The following ATP12A variants were observed in gnomAD, a reference collection of about 807,000 sequenced individuals.
ATP12A encodes the protein potassium-transporting ATPase alpha chain 2.
In ATP12A, 81 loss-of-function variants were observed where a neutral mutation model predicts 111.2. The ratio of observed to expected loss-of-function variants is 0.73; its 90% confidence interval spans 0.61 to 0.88. The LOEUF (loss-of-function observed/expected upper bound fraction) is 0.88, where lower values mean the gene tolerates loss of function less well. Ranked by LOEUF, ATP12A falls within the 40% of genes least tolerant of loss-of-function variation. The probability of loss-of-function intolerance (pLI) is 0.00; values close to 1 mark genes in which losing one functional copy is unlikely to be tolerated. For missense variants in ATP12A, 1,196 were observed against 1,313.1 expected, an observed-to-expected ratio of 0.91 and a Z score of 1.38; for synonymous variants, 498 against 499.8, an observed-to-expected ratio of 1.00 and a Z score of 0.05.
At chr13:24,683,727 T>C (rs890600639) in intron 2 of ATP12A, among the ~76,000 whole-genome samples, 25 of 152,202 alleles carry the variant, frequency 1.6e-4, no homozygotes, top group Non-Finnish European at 3.5e-4. Context: ...TTCTACCTCT[T>C]AAGGGTTACT....
At chr13:24,708,868 AAG>A (rs1164435799) in intron 17 of ATP12A, among the ~76,000 whole-genome samples, 4 of 128,138 alleles carry the variant, frequency 3.1e-5, no homozygotes, top group African/African-American at 1.1e-4. Flanking sequence ...GAAAGAGAGA[AAG>A]AGAAAGAGAG....
At chr13:24,695,689 C>T (rs556540674) in intron 11 of ATP12A, among the ~76,000 whole-genome samples, 2 of 148,538 alleles carry the variant, frequency 1.3e-5, no homozygotes, top group African/African-American at 2.5e-5. Context: ...CTCACTGCAA[C>T]CTCCGCCTCC....
At chr13:24,681,764 C>T (rs1874443770) in intron 2 of ATP12A, 44 bp downstream of exon 2, 1 of 1,611,074 alleles carries the variant, frequency 6.2e-7, no homozygotes, top group Non-Finnish European at 8.5e-7. Context: ...TATGGCCCTT[C>T]CCCGCAAGAG....
intron 3 of ATP12A, among the ~76,000 whole-genome samples, chr13:24,686,101 C>A (rs1234750898): frequency 6.6e-6 from 1 of 152,128 alleles, no homozygotes; most frequent in Non-Finnish European, 1.5e-5. Context: ...AAGAATGGAA[C>A]AACAGCCCAG....
chr13:24,687,681 C>G (rs1210360420), intron 3 of ATP12A, among the ~76,000 whole-genome samples: 7 of 152,154 alleles, frequency 4.6e-5, no homozygotes, highest in African/African-American at 1.7e-4. Flanking sequence ...TTATGCCTGT[C>G]AAGATGAATG....
In ATP12A at chr13:24,696,727, A is replaced by AAAAG. The variant is rs1288921907; in HGVS notation, c.1513-1928_1513-1927insGAAA. ...GAGCGAGACTCCGTCTCAAAAAAAA[A>AAAAG]AAAAAAAAAAAAAAAAAAAGAAAGG... On this transcript the variant is annotated intron_variant, in intron 11 of 22. Coordinates refer to ENST00000381946, the MANE Select transcript of ATP12A (RefSeq NM_001676.7). Among the ~76,000 whole-genome samples, 32 of 46,144 alleles carry AAAAG rather than the reference A, an allele frequency of 6.9e-4. 6 individuals are homozygous for AAAAG. Among genetic ancestry groups the AAAAG allele is most frequent in the South Asian group, 1.2e-3 (1 of 838 alleles). The allele number at this position is 46,144 out of a possible 152,430, so 30.3% of individuals were successfully genotyped here.
At position 24,712,021 on chromosome 13, in the gene ATP12A, G is replaced by C. The variant is rs1875996388; in HGVS notation, c.*499G>C. The C allele has an allele frequency of 5.6e-6, 1 of 179,030 alleles. No homozygotes were observed. The highest frequency in any genetic ancestry group is 1.2e-5 in the Non-Finnish European group (1 of 84,192). The allele number at this position is 179,030 out of a possible 1,614,324, so 11.1% of individuals were successfully genotyped here. A position where few individuals can be genotyped will look rare whatever the true frequency, so the allele number is the denominator to read the frequency against. ...CGAGGGTCTGCAGGAGATGGAAGTGGCGGCAGGTTTACATCACAGCAGCAC... is the reference window on the plus strand; with the variant it reads ...CGAGGGTCTGCAGGAGATGGAAGTGCCGGCAGGTTTACATCACAGCAGCAC... On this transcript the variant is annotated 3_prime_UTR_variant, in exon 23 of 23. Transcript: ENST00000381946.
At chr13:24,700,519 T>A (rs1166175306) in intron 12 of ATP12A, among the ~76,000 whole-genome samples, 1 of 152,228 alleles carries the variant, frequency 6.6e-6, no homozygotes, top group Non-Finnish European at 1.5e-5. Flanking sequence ...TATAGCAAGA[T>A]ATATTTCTAG....
Position 24,690,969 on chromosome 13 carries a change from A to G in ATP12A, c.800-13A>G. 1 of 1,613,492 alleles carries G rather than the reference A, an allele frequency of 6.2e-7. No homozygotes were observed. Among genetic ancestry groups the G allele is most frequent in the East Asian group, 2.2e-5 (1 of 44,854 alleles). ...TGAGGACCCCTGGAATAAAGCATCT[A>G]CTTCCCCTGTAGGCACTGTCACCGG... On this transcript the variant is annotated splice_polypyrimidine_tract_variant and intron_variant, in intron 7 of 22. Coordinates refer to ENST00000381946, the MANE Select transcript of ATP12A (RefSeq NM_001676.7).
chr13:24,685,012 T>C lies in ATP12A; in HGVS notation c.169-302T>C, dbSNP rs1440818027. On this transcript the variant is annotated intron_variant, in intron 2 of 22. Transcript: ENST00000381946. This position sits in a 1 kb window ranked among gnomAD's most constrained non-coding sequence, Gnocchi z 5.5. ...GAAGATGAGGGTGCCAGAACCTGTA[T>C]GCCCTGGAGTTCAGATTGAAGCGAG... 1.3e-5 allele frequency among the ~76,000 whole-genome samples: 2 copies of C among 152,178 alleles called. No homozygotes were observed. The highest frequency in any genetic ancestry group is 2.4e-5 in the African/African-American group (1 of 41,442).
Position 24,698,794 on chromosome 13 carries a change from C to A in ATP12A, c.1649C>A (p.Ala550Asp). ...GAGCACCCACTGGACAAGAGCACTG[C>A]CAAGACCTTCCACACAGCCTACATG... Reference protein sequence around the residue: ...GEEHPLDKSTAKTFHTAYMEL... With the variant: ...GEEHPLDKSTDKTFHTAYMEL... The change falls in exon 12 of 23, where the codon GCC becomes GAC. Residue 550 changes from alanine to aspartate, a missense_variant. By Grantham distance (126) the Ala-to-Asp change is moderately radical (BLOSUM62 -2). This residue lies in a region of ATP12A where 1,126 missense variants were observed against 1,228.5 expected (regional missense o/e 0.92). Coordinates refer to ENST00000381946, the MANE Select transcript of ATP12A (RefSeq NM_001676.7). The A allele has an allele frequency of 6.2e-7, 1 of 1,614,062 alleles. No individual in the cohort carries two copies. Among genetic ancestry groups the A allele is most frequent in the East Asian group, 2.2e-5 (1 of 44,854 alleles).
intron 5 of ATP12A, among the ~76,000 whole-genome samples, 170 bp from the exon 6 acceptor site, chr13:24,690,168 A>G (rs1874818219): frequency 6.6e-6 from 1 of 152,120 alleles, no homozygotes; most frequent in Non-Finnish European, 1.5e-5. Context: ...CTCCAGCAGC[A>G]ATGCTGTGTC....
chr13:24,711,946 T>A lies in ATP12A; in HGVS notation c.*424T>A. The A allele has an allele frequency of 4.7e-6, 1 of 212,632 alleles. No homozygotes were observed. The highest frequency in any genetic ancestry group is 9.5e-6 in the Non-Finnish European group (1 of 105,588). The allele number at this position is 212,632 out of a possible 1,614,324, so 13.2% of individuals were successfully genotyped here. A position where few individuals can be genotyped will look rare whatever the true frequency, so the allele number is the denominator to read the frequency against. ...CTCCCTAAGATTTCTGCAGATCCCC[T>A]GAGAAGGTATGTTTTCATGGTCTCC... On this transcript the variant is annotated 3_prime_UTR_variant, in exon 23 of 23. Coordinates refer to ENST00000381946, the MANE Select transcript of ATP12A (RefSeq NM_001676.7).
intron 17 of ATP12A, among the ~76,000 whole-genome samples, chr13:24,708,208 C>A (rs1281749207): frequency 6.6e-6 from 1 of 152,130 alleles, no homozygotes; most frequent in Non-Finnish European, 1.5e-5. Context: ...CTTTATAAAG[C>A]CTTGCCCTAC....
In ATP12A at chr13:24,712,361, G is replaced by A. The variant is rs749044729; in HGVS notation, c.*839G>A. ...TTGCCAGGTGCTCTCCAGCAATAAC[G>A]TTTTGTCAGTCATGTTTCATGTTTT... is the stretch of plus-strand genomic sequence containing the variant. On this transcript the variant is annotated 3_prime_UTR_variant, in exon 23 of 23. Transcript: ENST00000381946. 2.6e-5 allele frequency: 4 copies of A among 152,128 alleles called. No homozygotes were observed. Among genetic ancestry groups the A allele is most frequent in the Non-Finnish European group, 5.9e-5 (4 of 68,026 alleles). The allele number at this position is 152,128 out of a possible 1,614,324, so 9.4% of individuals were successfully genotyped here.
chr13:24,702,481 T>G (rs1875436875), intron 14 of ATP12A, among the ~76,000 whole-genome samples: 1 of 152,238 alleles, frequency 6.6e-6, no homozygotes, highest in African/African-American at 2.4e-5. Flanking sequence ...TCTTGGGTAT[T>G]TATCCACCCG....
Position 24,689,292 on chromosome 13 carries a change from G to A in ATP12A, c.463G>A (p.Val155Ile). The change falls in exon 5 of 23, where the codon GTC (valine) becomes ATC (isoleucine). Residue 155 changes from valine (V) to isoleucine (I), a missense_variant. By Grantham distance (29) the Val-to-Ile change is conservative. Coordinates refer to ENST00000381946, the MANE Select transcript of ATP12A (RefSeq NM_001676.7). ...CTTGGGCTGTGTGCTTGGTCTGGTG[G>A]TCATTTTAACGGGGATCTTTGCTTA... is the stretch of plus-strand genomic sequence containing the variant. The part of the protein sequence containing the change: ...VYLGCVLGLV[V>I]ILTGIFAYYQ... The A allele has an allele frequency of 1.2e-6, 2 of 1,614,078 alleles. No homozygotes were observed. The highest frequency in any genetic ancestry group is 1.1e-5 in the South Asian group (1 of 91,066).
intron 11 of ATP12A, among the ~76,000 whole-genome samples, chr13:24,696,172 C>A (rs1013717174): frequency 2.0e-5 from 3 of 152,040 alleles, no homozygotes; most frequent in African/African-American, 7.3e-5. Flanking sequence ...TTAAATTATT[C>A]ATTCGCACGA....
chr13:24,708,897 A>AAAGGAAAG, intron 17 of ATP12A, among the ~76,000 whole-genome samples: 1 of 122,046 alleles, frequency 8.2e-6, no homozygotes, highest in South Asian at 3.1e-4. Flanking sequence ...AGAAAGAAAG[A>AAAGGAAAG]AAGGAAAGAA....
Sources: allele counts gnomAD v4.1 joint callset (sites outside exome capture counted in the v4.1 genomes callset), GRCh38; gene constraint gnomAD v4.1.1; regional missense constraint gnomAD v4.1.1; non-coding constraint Gnocchi (gnomAD v3.1); transcripts MANE v1.5; gene names NCBI Gene and HGNC (gene_info 2026-07-23, HGNC 2026-07-21).